Variants in PDZRN4 observed in about 807,000 individuals in gnomAD.
PDZRN4 encodes PDZ domain containing ring finger 4, also known as PDZ domain-containing RING finger protein 4.
Under a neutral mutation model 99.0 loss-of-function variants are expected in PDZRN4, and 70 were observed. The ratio of observed to expected loss-of-function variants is 0.71; its 90% CI spans 0.58 to 0.86. The LOEUF is 0.86. Among genes scored for constraint, PDZRN4 ranks in the 40% least tolerant of loss-of-function variants. The probability of loss-of-function intolerance (pLI) is 0.00; values close to 1 mark genes in which losing one functional copy is unlikely to be tolerated. For missense variants in PDZRN4, 1,474 were observed against 1,331.2 expected, an observed-to-expected ratio of 1.11 and a Z score of -1.67; for synonymous variants, 551 against 501.6, an observed-to-expected ratio of 1.10 and a Z score of -1.32.
chr12:41,351,784 G>A (rs1031629805), intron 3 of PDZRN4, among the ~76,000 whole-genome samples: 3 of 151,984 alleles, frequency 2.0e-5, no homozygotes, highest in East Asian at 1.9e-4. Context: ...TAAGGCTAAG[G>A]ACAATAATTT....
At chr12:41,477,329 A>T (rs1447938247) in intron 3 of PDZRN4, among the ~76,000 whole-genome samples, 1 of 152,236 alleles carries the variant, frequency 6.6e-6, no homozygotes, top group African/African-American at 2.4e-5. Context: ...AGTAGCCGTG[A>T]TTGCAACTCT....
intron 3 of PDZRN4, among the ~76,000 whole-genome samples, chr12:41,236,724 A>C (rs1411386144): frequency 6.6e-6 from 1 of 152,242 alleles, no homozygotes; most frequent in East Asian, 1.9e-4. Context: ...CAATATGGCA[A>C]GTGAAACAAT....
chr12:41,362,049 AG>A lies in PDZRN4; in HGVS notation c.844-144403del, dbSNP rs771397306. On this transcript the variant is annotated intron_variant, in intron 3 of 9. Coordinates refer to ENST00000402685, the MANE Select transcript of PDZRN4 (RefSeq NM_001164595.2). ...TCTCATGCATAATCCTCTCATTGAG[AG>A]GGGATCACAAACATCTGAACCATAT... Among the ~76,000 whole-genome samples, 14 of 151,994 alleles carry A rather than the reference AG, an allele frequency of 9.2e-5. No individual in the cohort carries two copies. The East Asian group carries it at 1.9e-3, about 21-fold the overall frequency.
At chr12:41,214,245 C>T (rs1435849084) in intron 3 of PDZRN4, among the ~76,000 whole-genome samples, 1 of 125,808 alleles carries the variant, frequency 7.9e-6, no homozygotes, top group Non-Finnish European at 1.6e-5. Flanking sequence ...TAGTGAGACC[C>T]TGTATTTAAA....
At chr12:41,205,540 G>A (rs577924825) in intron 3 of PDZRN4, among the ~76,000 whole-genome samples, 6 of 151,722 alleles carry the variant, frequency 4.0e-5, no homozygotes, top group Admixed American at 6.6e-5. Flanking sequence ...GCACTTTCCC[G>A]TCTCAAGGAC....
At chr12:41,438,330 C>T (rs1484367407) in intron 3 of PDZRN4, among the ~76,000 whole-genome samples, 1 of 152,134 alleles carries the variant, frequency 6.6e-6, no homozygotes, top group Non-Finnish European at 1.5e-5. Context: ...TTTTGGAATA[C>T]TGTTGACATT....
At chr12:41,281,108 C>A (rs1951383021) in intron 3 of PDZRN4, among the ~76,000 whole-genome samples, 1 of 147,854 alleles carries the variant, frequency 6.8e-6, no homozygotes, top group Non-Finnish European at 1.5e-5. Flanking sequence ...CTCCAGCAGA[C>A]CTGCAGGAGA....
chr12:41,368,514 A>T (rs1952018404), intron 3 of PDZRN4, among the ~76,000 whole-genome samples: 1 of 152,068 alleles, frequency 6.6e-6, no homozygotes, highest in Non-Finnish European at 1.5e-5. Context: ...ATACACGCAC[A>T]TACACACACA....
chr12:41,423,116 TA>T, intron 3 of PDZRN4, among the ~76,000 whole-genome samples: 1 of 152,234 alleles, frequency 6.6e-6, no homozygotes, highest in East Asian at 1.9e-4. Context: ...AGGAGTAATT[TA>T]AGTTAGATAA....
At chr12:41,331,810 C>T (rs997232305) in intron 3 of PDZRN4, among the ~76,000 whole-genome samples, 2 of 151,964 alleles carry the variant, frequency 1.3e-5, no homozygotes, top group African/African-American at 4.8e-5. Context: ...GCAAGAAAAG[C>T]CCCTTATAAA....
chr12:41,502,529 C>T (rs567455184), intron 3 of PDZRN4, among the ~76,000 whole-genome samples: 2 of 152,180 alleles, frequency 1.3e-5, no homozygotes, highest in Non-Finnish European at 2.9e-5. Context: ...CTCAGTTTTG[C>T]TCCTAACCAT....
At chr12:41,509,953 G>C in intron 5 of PDZRN4, 40 bp downstream of exon 5, 1 of 978,684 alleles carries the variant, frequency 1.0e-6, no homozygotes, top group Non-Finnish European at 1.6e-6. Context: ...TCTTCATGAA[G>C]TTACGGTTGA....
chr12:41,342,422 A>G (rs1462084617), intron 3 of PDZRN4, among the ~76,000 whole-genome samples: 22 of 151,982 alleles, frequency 1.4e-4, no homozygotes, highest in Non-Finnish European at 8.8e-5. Context: ...AATGGAAGAA[A>G]ATATTTGCAA....
chr12:41,246,869 A>T (rs1951136942), intron 3 of PDZRN4, among the ~76,000 whole-genome samples: 1 of 152,202 alleles, frequency 6.6e-6, no homozygotes, highest in African/African-American at 2.4e-5. Flanking sequence ...CCATACAGAC[A>T]TTCTATACAG....
chr12:41,372,290 T>G (rs568317236), intron 3 of PDZRN4, among the ~76,000 whole-genome samples: 1 of 152,318 alleles, frequency 6.6e-6, no homozygotes, highest in South Asian at 2.1e-4. Context: ...TAGCAACTAT[T>G]CAATGTATTT....
chr12:41,523,284 T>G lies in PDZRN4; in HGVS notation c.1203+13371T>G, dbSNP rs937337514. Among the ~76,000 whole-genome samples, 5 of 152,088 alleles carry G rather than the reference T, an allele frequency of 3.3e-5. No individual in the cohort carries two copies. In the East Asian group the frequency reaches 9.7e-4, roughly 29 times the overall value. On this transcript the variant is annotated intron_variant, in intron 5 of 9. Transcript: ENST00000402685. ...AAAAATGGCTGCCAGTTTTCCCAAT[T>G]AGCTGAAAGGTCCCTCTCATGTAGA...
At chr12:41,204,228 A>C (rs373105973) in intron 3 of PDZRN4, among the ~76,000 whole-genome samples, 1 of 151,964 alleles carries the variant, frequency 6.6e-6, no homozygotes, top group Non-Finnish European at 1.5e-5. Flanking sequence ...GTATAAATAG[A>C]CTATGGAAAT....
At chr12:41,193,439 C>T (rs577070390) in intron 2 of PDZRN4, among the ~76,000 whole-genome samples, 1 of 152,140 alleles carries the variant, frequency 6.6e-6, no homozygotes, top group Admixed American at 6.5e-5. Flanking sequence ...CTATTTTTAC[C>T]ATATTGGCTA....
intron 5 of PDZRN4, among the ~76,000 whole-genome samples, chr12:41,528,509 G>T (rs1565606721): frequency 6.6e-6 from 1 of 152,152 alleles, no homozygotes; most frequent in African/African-American, 2.4e-5. Context: ...ACTTAGGTCT[G>T]CCCACTGTGT....
Sources: gnomAD v4.1 joint callset for allele counts (sites outside exome capture counted in the v4.1 genomes callset) on GRCh38, gnomAD v4.1.1 for gene constraint, MANE v1.5 for transcripts, NCBI Gene and HGNC (gene_info 2026-07-23, HGNC 2026-07-21) for gene names.